DCTN4: variants seen among roughly 807,000 people sequenced by gnomAD.
DCTN4 encodes the protein dynactin subunit 4, also known as dynactin 4 (p62).
Under a neutral mutation model 62.7 loss-of-function variants are expected in DCTN4, and 23 were observed. The observed-to-expected ratio is 0.37, with a 90% confidence interval of 0.26 to 0.52. The LOEUF (loss-of-function observed/expected upper bound fraction) is 0.52. DCTN4 is among the 20% of genes least tolerant of loss of function. DCTN4 has a pLI of 0.92. For missense variants in DCTN4, 514 were observed against 580.4 expected, an observed-to-expected ratio of 0.89 and a Z score of 1.18; for synonymous variants, 199 against 202.1, an observed-to-expected ratio of 0.98 and a Z score of 0.13.
chr5:150,740,964 A>G (rs1402198042), intron 4 of DCTN4, among the ~76,000 whole-genome samples: 1 of 152,184 alleles, frequency 6.6e-6, no homozygotes, highest in Admixed American at 6.5e-5. Context: ...TGCTCAGGTG[A>G]TAGGTACACC....
At chr5:150,745,532 T>A (rs957859961) in intron 3 of DCTN4, among the ~76,000 whole-genome samples, 12 of 152,052 alleles carry the variant, frequency 7.9e-5, no homozygotes, top group African/African-American at 2.9e-4. Flanking sequence ...ACTGACCACA[T>A]AGTTGGAAGT....
intron 6 of DCTN4, 97 bp downstream of exon 6, chr5:150,731,319 T>C: frequency 1.7e-6 from 2 of 1,149,220 alleles, no homozygotes. Flanking sequence ...TCTTTTCCAT[T>C]GACAACTGTG....
intron 5 of DCTN4, among the ~76,000 whole-genome samples, chr5:150,732,557 C>T (rs550811486): frequency 2.5e-4 from 38 of 152,280 alleles, no homozygotes; most frequent in African/African-American, 9.1e-4. Flanking sequence ...GGTCCCATTT[C>T]CTCAAGCGTA....
chr5:150,758,570 T>C lies in DCTN4; in HGVS notation c.135+289A>G, dbSNP rs550771714. ...CTAAGCACCCCCAGACCTTTCTCCG[T>C]AGTCCACCCAATTACCAAGCCCCAT... On this transcript the variant is annotated intron_variant, in intron 1 of 12. Coordinates refer to ENST00000447998, the MANE Select transcript of DCTN4 (RefSeq NM_016221.4). The C allele has an allele frequency of 8.7e-6, 10 of 1,149,900 alleles. No individual in the cohort carries two copies. The African/African-American group carries it at 1.4e-4, about 17-fold the overall frequency. 71.2% of individuals were successfully genotyped at this position (1,149,900 alleles called of 1,614,324 possible). A position where few individuals can be genotyped will look rare whatever the true frequency, so the allele number is the denominator to read the frequency against.
At position 150,708,450 on chromosome 5, in the gene DCTN4, C is replaced by T. The variant is rs564487358; in HGVS notation, c.*2699G>A. The T allele has an allele frequency of 6.6e-6, 1 of 152,256 alleles. No individual in the cohort carries two copies. Among genetic ancestry groups the T allele is most frequent in the East Asian group, 1.9e-4 (1 of 5,190 alleles). The allele number at this position is 152,256 out of a possible 1,614,324, so 9.4% of individuals were successfully genotyped here. A position where few individuals can be genotyped will look rare whatever the true frequency, so the allele number is the denominator to read the frequency against. On this transcript the variant is annotated 3_prime_UTR_variant, in exon 13 of 13. Coordinates refer to ENST00000447998, the MANE Select transcript of DCTN4 (RefSeq NM_016221.4). ...ATGAGTGGCCACTGGTGGAGTCAGACCACTGTGTATATTGTAAAGGATATC... is the reference window on the plus strand; with the variant it reads ...ATGAGTGGCCACTGGTGGAGTCAGATCACTGTGTATATTGTAAAGGATATC...
At chr5:150,723,019 C>T in intron 8 of DCTN4, 39 bp from the exon 9 acceptor site, 2 of 1,446,398 alleles carry the variant, frequency 1.4e-6, no homozygotes, top group Non-Finnish European at 1.9e-6. Flanking sequence ...CAGAAGACAA[C>T]AACACACTTT....
At chr5:150,712,599 T>C (rs1250788932) in intron 12 of DCTN4, among the ~76,000 whole-genome samples, 1 of 152,196 alleles carries the variant, frequency 6.6e-6, no homozygotes, top group Non-Finnish European at 1.5e-5. Context: ...GGCCATACTG[T>C]GGGAAGTTTT....
At chr5:150,758,639 G>A (rs1396951296) in intron 1 of DCTN4, 8 of 1,248,282 alleles carry the variant, frequency 6.4e-6, no homozygotes, top group Non-Finnish European at 8.3e-6. Context: ...CCAATCAGAG[G>A]CCGCTCTAGA....
intron 1 of DCTN4, chr5:150,758,534 A>G (rs1327359062): frequency 1.9e-6 from 2 of 1,025,958 alleles, no homozygotes; most frequent in African/African-American, 3.4e-5. Context: ...TCGCCCCTTA[A>G]GTGGCCTGAA....
intron 11 of DCTN4, 61 bp from the exon 12 acceptor site, chr5:150,715,723 G>T: frequency 7.5e-7 from 1 of 1,331,550 alleles, no homozygotes; most frequent in Non-Finnish European, 1.1e-6. Context: ...ATATAGCAAA[G>T]TACGACATTG....
chr5:150,747,812 T>G (rs1362618883), intron 3 of DCTN4, among the ~76,000 whole-genome samples: 1 of 148,156 alleles, frequency 6.7e-6, no homozygotes, highest in Non-Finnish European at 1.5e-5. Context: ...AAGACTTAAA[T>G]GTTAGACCTA....
chr5:150,717,399 G>A (rs530469869), intron 11 of DCTN4, among the ~76,000 whole-genome samples: 1 of 152,102 alleles, frequency 6.6e-6, no homozygotes, highest in South Asian at 2.1e-4. Context: ...ACAGGCATCT[G>A]CCATCATGCC....
intron 8 of DCTN4, among the ~76,000 whole-genome samples, chr5:150,729,258 T>C (rs1014255912): frequency 1.3e-5 from 2 of 151,846 alleles, no homozygotes; most frequent in Non-Finnish European, 2.9e-5. Flanking sequence ...GGTTTTTCAT[T>C]ATAGAAATTT....
At chr5:150,750,117 G>A (rs112029248) in intron 3 of DCTN4, among the ~76,000 whole-genome samples, 2 of 152,054 alleles carry the variant, frequency 1.3e-5, no homozygotes, top group Admixed American at 6.6e-5. Context: ...ATTCTCTAGG[G>A]GGACAGAAAT....
intron 2 of DCTN4, chr5:150,755,393 A>G: frequency 2.7e-6 from 1 of 364,810 alleles, no homozygotes; most frequent in South Asian, 2.1e-5. Flanking sequence ...GAGTACAAAA[A>G]AAGAAGGAAA....
At chr5:150,755,610 T>TTC in intron 2 of DCTN4, 1 of 456,078 alleles carries the variant, frequency 2.2e-6, no homozygotes, top group Non-Finnish European at 4.4e-6. Context: ...TGAAATGACA[T>TTC]TCTATAAAAT....
chr5:150,732,572 G>A lies in DCTN4; in HGVS notation c.537+796C>T, dbSNP rs541988560. ...GGTCCCATTTCCTCAAGCGTAAAAT[G>A]GGGATATGATACTCCACAGGATTTT... On this transcript the variant is annotated intron_variant, in intron 5 of 12. Coordinates refer to ENST00000447998, the MANE Select transcript of DCTN4 (RefSeq NM_016221.4). 5.3e-5 allele frequency among the ~76,000 whole-genome samples: 8 copies of A among 152,288 alleles called. No individual in the cohort carries two copies. In the South Asian group the frequency reaches 1.7e-3, roughly 32 times the overall value.
chr5:150,730,729 G>T lies in DCTN4; in HGVS notation c.736C>A (p.Gln246Lys). The part of the protein sequence containing the change: ...PVNLTEVTTL[Q>K]QRLLQPDFQP... ...AAGTCAGGCTGTAACAGACGCTGCT[G>T]AAGGGTTGTTACTAGAAAGAAAGGC... Residue 246 changes from glutamine to lysine, a missense_variant, in exon 8 of 13, where the codon CAG becomes AAG. Gln to Lys is a moderately conservative substitution (Grantham distance 53, BLOSUM62 1). Coordinates refer to ENST00000447998, the MANE Select transcript of DCTN4 (RefSeq NM_016221.4). 6.2e-7 allele frequency: 1 copy of T among 1,613,956 alleles called. No individual in the cohort carries two copies. Among genetic ancestry groups the T allele is most frequent in the Non-Finnish European group, 8.5e-7 (1 of 1,179,938 alleles).
chr5:150,723,921 G>T (rs1258664874), intron 8 of DCTN4, among the ~76,000 whole-genome samples: 1 of 152,070 alleles, frequency 6.6e-6, no homozygotes, highest in East Asian at 1.9e-4. Context: ...GTGTCCCACT[G>T]TAACAATTTC....
Sources: gnomAD v4.1 joint callset for allele counts (sites outside exome capture counted in the v4.1 genomes callset) on GRCh38, gnomAD v4.1.1 for gene constraint, MANE v1.5 for transcripts, NCBI Gene and HGNC (gene_info 2026-07-23, HGNC 2026-07-21) for gene names.